Variants in CACNA1C observed in about 807,000 individuals in gnomAD.
CACNA1C encodes calcium voltage-gated channel subunit alpha1 C.
Under a neutral mutation model 229.0 loss-of-function variants are expected in CACNA1C, and 30 were observed. The ratio of observed to expected loss-of-function variants is 0.13; its 90% confidence interval spans 0.10 to 0.18. The LOEUF is 0.18. Among genes scored for constraint, CACNA1C ranks in the 10% least tolerant of loss-of-function variants. The pLI, the probability that CACNA1C is intolerant of heterozygous loss-of-function variation, is 1.00. For missense variants in CACNA1C, 1,658 were observed against 2,845.0 expected, an observed-to-expected ratio of 0.58 and a Z score of 9.49; for synonymous variants, 1,114 against 1,132.5, an observed-to-expected ratio of 0.98 and a Z score of 0.33.
intron 3 of CACNA1C, among the ~76,000 whole-genome samples, chr12:2,303,307 T>A (rs1057281744): frequency 1.3e-5 from 2 of 152,182 alleles, no homozygotes; most frequent in Admixed American, 6.5e-5. Flanking sequence ...GCTGGAGATC[T>A]GAGATCAAGG....
At chr12:2,638,341 G>A (rs983375231) in intron 30 of CACNA1C, among the ~76,000 whole-genome samples, 1 of 152,228 alleles carries the variant, frequency 6.6e-6, no homozygotes, top group Admixed American at 6.5e-5. Flanking sequence ...GATTCTCCAT[G>A]TGGAGATCGG....
At chr12:2,206,163 T>C (rs1223409883) in intron 3 of CACNA1C, among the ~76,000 whole-genome samples, 3 of 152,168 alleles carry the variant, frequency 2.0e-5, no homozygotes, top group Non-Finnish European at 4.4e-5. Flanking sequence ...GTCTGCAGCA[T>C]CCTGGGAGCC....
chr12:2,164,553 C>T (rs1193795911), intron 3 of CACNA1C, among the ~76,000 whole-genome samples: 1 of 152,234 alleles, frequency 6.6e-6, no homozygotes, highest in African/African-American at 2.4e-5. Context: ...CATATTGCAG[C>T]CTGGTAAGCT....
Position 2,668,861 on chromosome 12 carries a change from C to T in CACNA1C, c.4624-72C>T, listed in dbSNP as rs572837578. On this transcript the variant is annotated intron_variant, in intron 37 of 46. Transcript: ENST00000399655. Reference sequence around the variant, plus strand: ...GGACACAGAGCCAAACCATATCACTCTGCCACGGTGTTCTGCGGTCCCCTA... The same window carrying T: ...GGACACAGAGCCAAACCATATCACTTTGCCACGGTGTTCTGCGGTCCCCTA... 8.3e-6 allele frequency: 8 copies of T among 968,396 alleles called. No homozygotes were observed. In the South Asian group the frequency reaches 1.1e-4, roughly 13 times the overall value. The allele number at this position is 968,396 out of a possible 1,614,324, so 60.0% of individuals were successfully genotyped here.
At chr12:2,584,359 T>TG (rs1431187928) in intron 15 of CACNA1C, 144 bp from the exon 16 acceptor site, 10 of 618,982 alleles carry the variant, frequency 1.6e-5, no homozygotes, top group Non-Finnish European at 2.9e-5. Context: ...GGAACACTGT[T>TG]GGGGTCTGAC....
At chr12:2,333,024 G>T (rs866515051) in intron 3 of CACNA1C, among the ~76,000 whole-genome samples, 1 of 152,126 alleles carries the variant, frequency 6.6e-6, no homozygotes, top group Non-Finnish European at 1.5e-5. Flanking sequence ...TATCCCTCCG[G>T]CAGTGACGAG....
chr12:2,233,260 A>G (rs1270682055), intron 3 of CACNA1C, among the ~76,000 whole-genome samples: 1 of 152,234 alleles, frequency 6.6e-6, no homozygotes, highest in African/African-American at 2.4e-5. Context: ...CACCGTGTCC[A>G]TGTGACTCAT....
intron 11 of CACNA1C, among the ~76,000 whole-genome samples, chr12:2,565,278 C>T (rs559865809): frequency 1.3e-5 from 2 of 151,582 alleles, no homozygotes; most frequent in Admixed American, 6.6e-5. Context: ...ACCATCCTGG[C>T]TAACAAGGTG....
chr12:2,192,124 C>CCTCT (rs1170832151), intron 3 of CACNA1C, among the ~76,000 whole-genome samples: 1 of 152,152 alleles, frequency 6.6e-6, no homozygotes, highest in East Asian at 1.9e-4. Context: ...CCCCTCCCTC[C>CCTCT]CTCTCACGGT....
At chr12:2,184,353 C>T (rs1456252501) in intron 3 of CACNA1C, among the ~76,000 whole-genome samples, 1 of 152,184 alleles carries the variant, frequency 6.6e-6, no homozygotes, top group Non-Finnish European at 1.5e-5. Context: ...CCGACCATAC[C>T]CTTGTGTTTA....
intron 3 of CACNA1C, among the ~76,000 whole-genome samples, chr12:2,438,774 T>G (rs74059849): frequency 0.08 from 12,167 of 152,066 alleles, 641 homozygotes; most frequent in African/African-American, 0.14. Context: ...GGAAGCTCTT[T>G]TAATATCCAA....
In CACNA1C at chr12:2,139,305, T is replaced by C. The variant is rs1173397780; in HGVS notation, c.477+18875T>C. 3.3e-5 allele frequency among the ~76,000 whole-genome samples: 5 copies of C among 151,154 alleles called. 1 individual carries two copies. Among genetic ancestry groups the C allele is most frequent in the Non-Finnish European group, 7.4e-5 (5 of 67,588 alleles). On this transcript the variant is annotated intron_variant, in intron 3 of 46. Transcript: ENST00000399655. The stretch of plus-strand genomic sequence containing the variant: ...TTGTGTCTCTGTGTCCAGCTTTCCC[T>C]CCTCTGATAAGGACAGCAGTCATTG...
At chr12:1,972,663 CT>C (rs1299274126) in intron 1 of CACNA1C, among the ~76,000 whole-genome samples, 4 of 152,162 alleles carry the variant, frequency 2.6e-5, no homozygotes, top group African/African-American at 9.7e-5. Context: ...TTCTCCCAGC[CT>C]TTCAAATGAA....
chr12:2,528,322 C>T (rs1244714533), intron 9 of CACNA1C, among the ~76,000 whole-genome samples: 2 of 152,224 alleles, frequency 1.3e-5, no homozygotes, highest in African/African-American at 4.8e-5. Flanking sequence ...TCAGTTGACA[C>T]ACGTTAGCTT....
chr12:2,505,124 C>CCA (rs2099768737), intron 8 of CACNA1C, among the ~76,000 whole-genome samples, 179 bp downstream of exon 8: 1 of 152,042 alleles, frequency 6.6e-6, no homozygotes, highest in African/African-American at 2.4e-5. Context: ...TGCCACTGGT[C>CCA]TTGGTGGTGG....
chr12:2,253,029 G>A (rs969340106), intron 3 of CACNA1C, among the ~76,000 whole-genome samples: 2 of 152,214 alleles, frequency 1.3e-5, no homozygotes, highest in Non-Finnish European at 2.9e-5. Context: ...GGTATGGCAG[G>A]AACACATCCC....
rs886049224 is a variant in CACNA1C at position 2,692,849 on chromosome 12, ATGAAT to A, written c.*1657_*1661del. On this transcript the variant is annotated 3_prime_UTR_variant, in exon 47 of 47. Coordinates refer to ENST00000399655, the MANE Select transcript of CACNA1C (RefSeq NM_000719.7). ...ATTGCAATTGTGCCAAGCGAATATAATGAATTGAATTAAGTTGGTTTTCGGATTCA... is the reference window on the plus strand; with the variant it reads ...ATTGCAATTGTGCCAAGCGAATATAATGAATTAAGTTGGTTTTCGGATTCA... 6.5e-5 allele frequency: 10 copies of A among 152,678 alleles called. No individual in the cohort carries two copies. Among genetic ancestry groups the A allele is most frequent in the Non-Finnish European group, 1.3e-4 (9 of 68,048 alleles). 9.5% of individuals were successfully genotyped at this position (152,678 alleles called of 1,614,324 possible). A position where few individuals can be genotyped will look rare whatever the true frequency, so the allele number is the denominator to read the frequency against.
chr12:2,341,111 C>T (rs1417717944), intron 3 of CACNA1C, among the ~76,000 whole-genome samples: 1 of 152,140 alleles, frequency 6.6e-6, no homozygotes, highest in African/African-American at 2.4e-5. Context: ...CACTTGTTAC[C>T]CTTGTCACCT....
At chr12:2,328,437 C>G (rs2096417295) in intron 3 of CACNA1C, among the ~76,000 whole-genome samples, 1 of 152,156 alleles carries the variant, frequency 6.6e-6, no homozygotes, top group Non-Finnish European at 1.5e-5. Context: ...TTAGTACTGA[C>G]CCCAGAATGG....
Sources: gnomAD v4.1 joint callset for allele counts (sites outside exome capture counted in the v4.1 genomes callset) on GRCh38, gnomAD v4.1.1 for gene constraint, MANE v1.5 for transcripts, NCBI Gene and HGNC (gene_info 2026-07-23, HGNC 2026-07-21) for gene names.